Variants in RSPH10B2 observed in about 807,000 individuals in gnomAD.
The protein encoded by RSPH10B2 is radial spoke head 10 homolog B2 (Chlamydomonas).
Under a neutral mutation model 49.0 loss-of-function variants are expected in RSPH10B2, and 9 were observed. That is an observed-to-expected ratio of 0.18 (90% CI 0.11 to 0.32). The LOEUF (loss-of-function observed/expected upper bound fraction) is 0.32, where lower values mean the gene tolerates loss of function less well. RSPH10B2 is among the 10% of genes least tolerant of loss of function. The pLI, the probability that RSPH10B2 is intolerant of heterozygous loss-of-function variation, is 1.00. For synonymous variants in RSPH10B2, 35 were observed against 210.2 expected (o/e 0.17, Z 7.21); for missense variants, 95 against 589.9 (o/e 0.16, Z 8.69).
At position 6,781,554 on chromosome 7, in the gene RSPH10B2, C is replaced by T; in HGVS notation, c.1758+78C>T. The T allele has an allele frequency of 3.2e-6, 4 of 1,233,506 alleles. 1 individual carries two copies. Among genetic ancestry groups the T allele is most frequent in the Non-Finnish European group, 4.2e-6 (4 of 952,782 alleles). The allele number at this position is 1,233,506 out of a possible 1,614,324, so 76.4% of individuals were successfully genotyped here. A position where few individuals can be genotyped will look rare whatever the true frequency, so the allele number is the denominator to read the frequency against. ...ATTAAAGAAAGGCAGGATATTCCAG[C>T]TGTGATATGCAAATTATCAGGTGAA... On this transcript the variant is annotated intron_variant, in intron 13 of 18. Coordinates refer to ENST00000297186, the Ensembl canonical transcript of RSPH10B2.
chr7:6,780,164 A>G (rs2115449521), intron 11 of RSPH10B2, among the ~76,000 whole-genome samples: 1 of 108,738 alleles, frequency 9.2e-6, no homozygotes, highest in Non-Finnish European at 1.9e-5. Flanking sequence ...TGAAGGACTC[A>G]GAACACAACC....
chr7:6,770,596 G>A (rs1173932087), intron 7 of RSPH10B2, among the ~76,000 whole-genome samples: 4 of 127,712 alleles, frequency 3.1e-5, no homozygotes, highest in South Asian at 4.7e-4. Flanking sequence ...GAGTGACAGC[G>A]AGGCTCCACC....
rs1243476815 is a variant in RSPH10B2 at position 6,793,202 on chromosome 7, A to G, written c.2233+1205A>G. ...TGCTGAGGTTACAGGTATGAGCCCA[A>G]CCGCGCCTGGTCTTTTTTTGTTTGT... On this transcript the variant is annotated intron_variant, in intron 17 of 18. Transcript: ENST00000297186. Among the ~76,000 whole-genome samples the G allele has an allele frequency of 2.7e-5, 3 of 109,214 alleles. 1 individual carries two copies. The East Asian group carries it at 1.2e-3, about 42-fold the overall frequency. The allele number at this position is 109,214 out of a possible 152,430, so 71.6% of individuals were successfully genotyped here. A position where few individuals can be genotyped will look rare whatever the true frequency, so the allele number is the denominator to read the frequency against.
chr7:6,768,010 G>A (rs1311718626), intron 6 of RSPH10B2, among the ~76,000 whole-genome samples: 1 of 147,838 alleles, frequency 6.8e-6, no homozygotes, highest in African/African-American at 2.6e-5. Context: ...TGGGTGATAT[G>A]GTGAAACCCC....
chr7:6,770,564 C>G (rs1781597799), intron 7 of RSPH10B2, among the ~76,000 whole-genome samples: 1 of 124,890 alleles, frequency 8.0e-6, no homozygotes, highest in Admixed American at 8.0e-5. Flanking sequence ...TGAGTTAAGA[C>G]TGTGCTACTG....
intron 17 of RSPH10B2, among the ~76,000 whole-genome samples, chr7:6,793,500 C>T (rs1782426073): frequency 8.6e-6 from 1 of 116,392 alleles, no homozygotes; most frequent in African/African-American, 3.4e-5. Context: ...ACTCCTCCTC[C>T]AGTGGATCAT....
At chr7:6,793,996 ACCTTTGCTG>A (rs1278237081) in intron 17 of RSPH10B2, 1 of 147,248 alleles carries the variant, frequency 6.8e-6, no homozygotes, top group African/African-American at 2.6e-5. Context: ...GTACATGCTC[ACCTTTGCTG>A]CTAGGCATCT....
At chr7:6,786,429 C>CGT (rs1435936752) in intron 14 of RSPH10B2, among the ~76,000 whole-genome samples, 1 of 116,422 alleles carries the variant, frequency 8.6e-6, no homozygotes, top group Non-Finnish European at 1.7e-5. Flanking sequence ...CTCCTGACCT[C>CGT]GTGATCCACC....
At chr7:6,785,178 TG>T in intron 13 of RSPH10B2, among the ~76,000 whole-genome samples, 2 of 111,718 alleles carry the variant, frequency 1.8e-5, no homozygotes, top group African/African-American at 6.5e-5. Flanking sequence ...TGTGTGTGTG[TG>T]TGTGTGTGTG....
chr7:6,795,398 G>A (rs902667107), intron 17 of RSPH10B2, among the ~76,000 whole-genome samples: 1 of 25,944 alleles, frequency 3.9e-5, no homozygotes, highest in African/African-American at 1.4e-4. Context: ...TAGGAGAGAG[G>A]ATTCACTTGG....
intron 17 of RSPH10B2, among the ~76,000 whole-genome samples, chr7:6,795,587 T>C (rs1320309413): frequency 8.5e-6 from 1 of 117,546 alleles, no homozygotes; most frequent in Non-Finnish European, 1.8e-5. Context: ...ATGGGCAACA[T>C]AGCGAAACCT....
upstream of RSPH10B2, among the ~76,000 whole-genome samples, chr7:6,755,854 A>G (rs1278345439): frequency 8.1e-6 from 1 of 122,992 alleles, no homozygotes; most frequent in Non-Finnish European, 1.6e-5. Flanking sequence ...AATCACTTGA[A>G]CCTGCAGTGA....
At chr7:6,776,873 T>TCTCACACA (rs1460063586) in intron 10 of RSPH10B2, among the ~76,000 whole-genome samples, 18 of 111,078 alleles carry the variant, frequency 1.6e-4, no homozygotes, top group African/African-American at 5.8e-4. Context: ...CGAGACTCCA[T>TCTCACACA]CACACACACA....
At chr7:6,766,987 G>GTC (rs573080842) in intron 6 of RSPH10B2, 110 bp downstream of exon 8, 1 of 1,079,414 alleles carries the variant, frequency 9.3e-7, no homozygotes, top group African/African-American at 1.8e-5. Context: ...TTGAGACAGA[G>GTC]TCTCTCTCTG....
intron 18 of RSPH10B2, among the ~76,000 whole-genome samples, chr7:6,797,258 C>T (rs62441795): frequency 0.15 from 14,928 of 101,508 alleles, 877 homozygotes; most frequent in Middle Eastern, 0.23. Flanking sequence ...ATCTGCCAGC[C>T]TTGGCCTCCC....
rs1217410225 is a variant in RSPH10B2 at position 6,758,880 on chromosome 7, C to A, written c.255-204C>A. 1.1e-4 allele frequency among the ~76,000 whole-genome samples: 15 copies of A among 137,704 alleles called. 2 individuals carry two copies. The highest frequency in any genetic ancestry group is 1.6e-4 in the African/African-American group (6 of 37,222). 90.3% of individuals were successfully genotyped at this position (137,704 alleles called of 152,430 possible). A position where few individuals can be genotyped will look rare whatever the true frequency, so the allele number is the denominator to read the frequency against. ...AATCCCCAAAAAACAAACAAAAAAA[C>A]CCCGAAATGCCTTCATTCCTCACCC... On this transcript the variant is annotated intron_variant, in intron 1 of 18. Coordinates refer to ENST00000297186, the Ensembl canonical transcript of RSPH10B2.
intron 13 of RSPH10B2, among the ~76,000 whole-genome samples, chr7:6,785,496 C>G (rs1245015825): frequency 1.3e-5 from 2 of 152,194 alleles, no homozygotes; most frequent in African/African-American, 4.8e-5. Flanking sequence ...CCATGTTAAT[C>G]CAGAATGCTT....
At chr7:6,786,766 T>TGG in intron 14 of RSPH10B2, 112 bp from the exon 17 acceptor site, 1 of 1,037,370 alleles carries the variant, frequency 9.6e-7, no homozygotes, top group Non-Finnish European at 1.4e-6. Context: ...TGTGTGTGTG[T>TGG]GGGCAAACGT....
chr7:6,795,704 T>C (rs907815746), intron 17 of RSPH10B2, among the ~76,000 whole-genome samples: 2 of 145,646 alleles, frequency 1.4e-5, no homozygotes, highest in African/African-American at 5.0e-5. Context: ...GAGGCTGCAG[T>C]GAGCCATGAT....
Sources: gnomAD v4.1 joint callset for allele counts (sites outside exome capture counted in the v4.1 genomes callset) on GRCh38, gnomAD v4.1.1 for gene constraint, MANE v1.5 for transcripts, NCBI Gene and HGNC (gene_info 2026-07-23, HGNC 2026-07-21) for gene names.